SLC16A12: variants seen among roughly 807,000 people sequenced by gnomAD.
SLC16A12 encodes the protein solute carrier family 16 member 12.
A neutral mutation model predicts 42.4 loss-of-function variants in SLC16A12; 17 were observed. The observed-to-expected ratio is 0.40, with a 90% confidence interval of 0.27 to 0.60. SLC16A12 has a LOEUF of 0.60. Among genes scored for constraint, SLC16A12 ranks in the 20% least tolerant of loss-of-function variants. The pLI is 0.42. For synonymous variants in SLC16A12, 224 were observed against 229.4 expected (o/e 0.98, Z 0.21); for missense variants, 544 against 623.0 (o/e 0.87, Z 1.35).
intron 2 of SLC16A12, among the ~76,000 whole-genome samples, chr10:89,530,982 G>A (rs1308360767): frequency 4.6e-5 from 7 of 152,066 alleles, no homozygotes; most frequent in South Asian, 2.1e-4. Context: ...CATCCATGTC[G>A]CAGCATGTGT....
At chr10:89,496,966 C>T (rs1842929371) in intron 2 of SLC16A12, among the ~76,000 whole-genome samples, 1 of 152,072 alleles carries the variant, frequency 6.6e-6, no homozygotes, top group African/African-American at 2.4e-5. Flanking sequence ...AAAGGAAACC[C>T]AATGGCCAAT....
In SLC16A12 at chr10:89,501,217, T is replaced by C. The variant is rs552640760; in HGVS notation, c.-47+33284A>G. Among the ~76,000 whole-genome samples, 10 of 152,310 alleles carry C rather than the reference T, an allele frequency of 6.6e-5. No homozygotes were observed. The East Asian group carries it at 1.9e-3, about 29-fold the overall frequency. On this transcript the variant is annotated intron_variant, in intron 2 of 7. Transcript: ENST00000371790. ...ATGGGTAGAATCAATATTGTGATAA[T>C]GACCATACTGCCAAAAGCAATCTAC...
chr10:89,510,671 GC>G (rs1843149037), intron 2 of SLC16A12, among the ~76,000 whole-genome samples: 1 of 152,146 alleles, frequency 6.6e-6, no homozygotes. Context: ...ATAGGCCTGG[GC>G]AAAGACTTCA....
intron 2 of SLC16A12, among the ~76,000 whole-genome samples, chr10:89,486,652 AAAGAAAGAAAG>A (rs1842755586): frequency 8.7e-6 from 1 of 115,402 alleles, no homozygotes; most frequent in African/African-American, 3.3e-5. Flanking sequence ...AGAAAGAAAG[AAAGAAAGAAAG>A]AAAAGAAAGA....
chr10:89,506,480 G>T (rs1204151256), intron 2 of SLC16A12, among the ~76,000 whole-genome samples: 2 of 152,114 alleles, frequency 1.3e-5, no homozygotes, highest in Non-Finnish European at 2.9e-5. Flanking sequence ...GCAGCTGAGG[G>T]GTCTGACTGT....
chr10:89,452,152 AC>A (rs2133717734), intron 3 of SLC16A12, among the ~76,000 whole-genome samples: 1 of 152,354 alleles, frequency 6.6e-6, no homozygotes, highest in South Asian at 2.1e-4. Flanking sequence ...AGATCAGCCA[AC>A]CCATATTTCC....
At chr10:89,503,544 G>A (rs935854479) in intron 2 of SLC16A12, among the ~76,000 whole-genome samples, 4 of 152,196 alleles carry the variant, frequency 2.6e-5, no homozygotes, top group South Asian at 2.1e-4. Context: ...GAAAGAAGGC[G>A]AAGTCCAGTA....
intron 2 of SLC16A12, among the ~76,000 whole-genome samples, chr10:89,508,366 C>T (rs886992098): frequency 6.6e-6 from 1 of 152,144 alleles, no homozygotes; most frequent in Non-Finnish European, 1.5e-5. Flanking sequence ...ACAGAAATCA[C>T]AATAAACTGT....
At chr10:89,476,232 G>A (rs1468202661) in intron 2 of SLC16A12, among the ~76,000 whole-genome samples, 1 of 152,188 alleles carries the variant, frequency 6.6e-6, no homozygotes, top group Non-Finnish European at 1.5e-5. Context: ...AGTTTGAGAT[G>A]CATTTCACAG....
intron 2 of SLC16A12, among the ~76,000 whole-genome samples, chr10:89,479,424 G>A (rs1034562761): frequency 4.5e-4 from 69 of 152,150 alleles, no homozygotes; most frequent in African/African-American, 1.6e-3. Context: ...GGTTGTTTAA[G>A]AGCTGACAGT....
intron 2 of SLC16A12, among the ~76,000 whole-genome samples, chr10:89,492,105 T>C (rs1169344991): frequency 5.9e-5 from 9 of 152,214 alleles, no homozygotes; most frequent in Non-Finnish European, 1.5e-5. Context: ...GAGACTGACA[T>C]GATATCAATG....
At chr10:89,554,087 A>AGAAGGAAGGAAGGAAGGAAGGAAGGAAG (rs1843790332) in intron 2 of SLC16A12, among the ~76,000 whole-genome samples, 6 of 34,242 alleles carry the variant, frequency 1.8e-4, no homozygotes, top group South Asian at 9.4e-4. Flanking sequence ...AAAGAAAGAA[A>AGAAGGAAGGAAGGAAGGAAGGAAGGAAG]GAAAGAAAGA....
intron 5 of SLC16A12, among the ~76,000 whole-genome samples, chr10:89,439,654 T>C (rs1841869673): frequency 6.6e-6 from 1 of 152,216 alleles, no homozygotes; most frequent in Non-Finnish European, 1.5e-5. Context: ...AGGGTAATTT[T>C]ACATAGTTGG....
chr10:89,538,892 G>A (rs369665008), upstream of SLC16A12, among the ~76,000 whole-genome samples: 2 of 152,138 alleles, frequency 1.3e-5, no homozygotes, highest in East Asian at 3.9e-4. Context: ...CAAAGAACCC[G>A]GCAAAATCAG....
At chr10:89,491,289 T>C (rs1359748562) in intron 2 of SLC16A12, among the ~76,000 whole-genome samples, 1 of 152,098 alleles carries the variant, frequency 6.6e-6, no homozygotes, top group East Asian at 1.9e-4. Flanking sequence ...AGGAGCTGAG[T>C]TGCAACCAGG....
chr10:89,528,004 A>G (rs1843483228), intron 2 of SLC16A12, among the ~76,000 whole-genome samples: 1 of 152,194 alleles, frequency 6.6e-6, no homozygotes, highest in Non-Finnish European at 1.5e-5. Context: ...TTAAACTCCT[A>G]TCTTTCTTAC....
chr10:89,466,258 G>T (rs1842397256), intron 2 of SLC16A12, among the ~76,000 whole-genome samples: 1 of 152,110 alleles, frequency 6.6e-6, no homozygotes, highest in Admixed American at 6.5e-5. Flanking sequence ...CTTTTCATTT[G>T]TTCATCACTC....
chr10:89,457,209 A>T (rs1423620374), intron 3 of SLC16A12, among the ~76,000 whole-genome samples: 1 of 152,190 alleles, frequency 6.6e-6, no homozygotes, highest in Non-Finnish European at 1.5e-5. Flanking sequence ...AATGGGAAAA[A>T]ATTTTTGCAA....
chr10:89,548,193 A>G (rs1233140295), intron 2 of SLC16A12, among the ~76,000 whole-genome samples: 1 of 152,176 alleles, frequency 6.6e-6, no homozygotes, highest in Non-Finnish European at 1.5e-5. Context: ...GAATGGAGAA[A>G]ATCAATAGGA....
Sources: gnomAD v4.1 joint callset for allele counts (sites outside exome capture counted in the v4.1 genomes callset) on GRCh38, gnomAD v4.1.1 for gene constraint, MANE v1.5 for transcripts, NCBI Gene and HGNC (gene_info 2026-07-23, HGNC 2026-07-21) for gene names.